TXNDC17: variants seen among roughly 807,000 people sequenced by gnomAD.
The protein encoded by TXNDC17 is thioredoxin domain-containing protein 17.
Under a neutral mutation model 16.3 loss-of-function variants are expected in TXNDC17, and 12 were observed. The observed-to-expected ratio is 0.74, with a 90% confidence interval of 0.47 to 1.19. The LOEUF (loss-of-function observed/expected upper bound fraction) is 1.19. TXNDC17 is among the 50% of genes most tolerant of loss of function. TXNDC17 has a pLI of 0.00. For missense variants in TXNDC17, 158 were observed against 149.7 expected, an observed-to-expected ratio of 1.06 and a Z score of -0.29; for synonymous variants, 62 against 55.0, an observed-to-expected ratio of 1.13 and a Z score of -0.56.
At chr17:6,642,717 T>TA in intron 3 of TXNDC17, 1 of 537,334 alleles carries the variant, frequency 1.9e-6, no homozygotes, top group Non-Finnish European at 3.3e-6. Context: ...TCTCCTGTTT[T>TA]AGTCTGTGGA....
chr17:6,641,896 G>A (rs1972682243), intron 2 of TXNDC17, 62 bp downstream of exon 2: 2 of 1,458,774 alleles, frequency 1.4e-6, no homozygotes, highest in Non-Finnish European at 9.6e-7. Flanking sequence ...AGGCGGGAAG[G>A]GCCTCAGGGA....
At chr17:6,641,274 G>A (rs766297724) in intron 1 of TXNDC17, 47 bp downstream of exon 1, 2 of 1,607,624 alleles carry the variant, frequency 1.2e-6, no homozygotes, top group African/African-American at 1.3e-5. Flanking sequence ...ATGGCAGGAA[G>A]GTCGAGCCTA....
intron 1 of TXNDC17, 83 bp from the exon 2 acceptor site, chr17:6,641,669 TG>T: frequency 7.4e-7 from 1 of 1,342,886 alleles, no homozygotes; most frequent in Non-Finnish European, 1.1e-6. Flanking sequence ...TTACCAAGAC[TG>T]GGGGAAGGGG....
rs574494868 is a variant in TXNDC17, at chr17:6,644,366, T to C, written c.*1347T>C. 12 of 1,381,904 alleles carry C rather than the reference T, an allele frequency of 8.7e-6. No homozygotes were observed. The African/African-American group carries it at 1.8e-4, about 20-fold the overall frequency. 85.6% of individuals were successfully genotyped at this position (1,381,904 alleles called of 1,614,324 possible). ...ACACTAAAGGTTCTAGGGGCTACCA[T>C]AATAAAGGTAGATAGGAAGAGTTTT... On this transcript the variant is annotated 3_prime_UTR_variant, in exon 4 of 4. Transcript: ENST00000250101.
At position 6,643,530 on chromosome 17, in the gene TXNDC17, C is replaced by T. The variant is rs1972723124; in HGVS notation, c.*511C>T. Reference sequence around the variant, plus strand: ...GCACTAGAAGCAGTTTGTTTTGCAGCTGTCTCAATGTGCTTTACTTGGGAT... The same window carrying T: ...GCACTAGAAGCAGTTTGTTTTGCAGTTGTCTCAATGTGCTTTACTTGGGAT... On this transcript the variant is annotated 3_prime_UTR_variant, in exon 4 of 4. Coordinates refer to ENST00000250101, the MANE Select transcript of TXNDC17 (RefSeq NM_032731.4). 1 of 153,008 alleles carries T rather than the reference C, an allele frequency of 6.5e-6. No homozygotes were observed. The highest frequency in any genetic ancestry group is 6.5e-5 in the Admixed American group (1 of 15,340). The allele number at this position is 153,008 out of a possible 1,614,324, so 9.5% of individuals were successfully genotyped here. A position where few individuals can be genotyped will look rare whatever the true frequency, so the allele number is the denominator to read the frequency against.
At position 6,641,808 on chromosome 17, in the gene TXNDC17, C is replaced by G. The variant is rs1363050563; in HGVS notation, c.201C>G (p.Ile67Met). The G allele has an allele frequency of 6.2e-7, 1 of 1,614,008 alleles. No individual in the cohort carries two copies. Among genetic ancestry groups the G allele is most frequent in the African/African-American group, 1.3e-5 (1 of 74,930 alleles). Residue 67 changes from isoleucine to methionine, a missense_variant, in exon 2 of 4, where the codon ATC becomes ATG. Ile to Met is a conservative substitution (Grantham distance 10). Transcript: ENST00000250101. ...ACATTAGTGAAGGATGTGTGTTCAT[C>G]TACTGCCAAGTAGGAGAAAAGCCTT... ...LKHISEGCVFIYCQVGEKPYW... is the reference protein window; with the variant it reads ...LKHISEGCVFMYCQVGEKPYW...
In TXNDC17 at chr17:6,641,115, C is replaced by T. The variant is rs933191989; in HGVS notation, c.33C>T (p.Gly11=). 5 of 1,613,520 alleles carry T rather than the reference C, an allele frequency of 3.1e-6. No homozygotes were observed. The highest frequency in any genetic ancestry group is 1.1e-5 in the South Asian group (1 of 91,078). ...GCTATGAGGAGGTGAGCGTGTCCGGCTTCGAGGAGTTCCACCGGGCCGTGG... is the reference window on the plus strand; with the variant it reads ...GCTATGAGGAGGTGAGCGTGTCCGGTTTCGAGGAGTTCCACCGGGCCGTGG... The part of the protein sequence containing the change: MARYEEVSVS[G]FEEFHRAVEQ... Residue 11 remains glycine, a synonymous_variant, in exon 1 of 4, where the codon GGC becomes GGT. Transcript: ENST00000250101.
In TXNDC17 at chr17:6,643,960, T is replaced by C. The variant is rs1166934919; in HGVS notation, c.*941T>C. 5.0e-6 allele frequency: 2 copies of C among 396,988 alleles called. No individual in the cohort carries two copies. The highest frequency in any genetic ancestry group is 4.1e-5 in the African/African-American group (2 of 48,604). 24.6% of individuals were successfully genotyped at this position (396,988 alleles called of 1,614,324 possible). A position where few individuals can be genotyped will look rare whatever the true frequency, so the allele number is the denominator to read the frequency against. ...TTGCAAAGCAGGTAATACAGTTATTTCCTGTCCTGCAGAATTCAAGAACCT... is the reference window on the plus strand; with the variant it reads ...TTGCAAAGCAGGTAATACAGTTATTCCCTGTCCTGCAGAATTCAAGAACCT... On this transcript the variant is annotated 3_prime_UTR_variant, in exon 4 of 4. Transcript: ENST00000250101.
At position 6,641,376 on chromosome 17, in the gene TXNDC17, C is replaced by T. The variant is rs941701206; in HGVS notation, c.145+149C>T. Reference sequence around the variant, plus strand: ...GTCCCCAAGTCTCCTTCTATTAAATCCTACCCCGCCCTGCCAAGAGCGCTC... The same window carrying T: ...GTCCCCAAGTCTCCTTCTATTAAATTCTACCCCGCCCTGCCAAGAGCGCTC... On this transcript the variant is annotated intron_variant, in intron 1 of 3. Coordinates refer to ENST00000250101, the MANE Select transcript of TXNDC17 (RefSeq NM_032731.4). The T allele has an allele frequency of 1.5e-5, 17 of 1,144,686 alleles. No homozygotes were observed. The South Asian group carries it at 2.5e-4, about 17-fold the overall frequency. 70.9% of individuals were successfully genotyped at this position (1,144,686 alleles called of 1,614,324 possible). A position where few individuals can be genotyped will look rare whatever the true frequency, so the allele number is the denominator to read the frequency against.
At chr17:6,641,663 C>A in intron 1 of TXNDC17, 90 bp from the exon 2 acceptor site, 2 of 1,289,952 alleles carry the variant, frequency 1.6e-6, no homozygotes, top group Non-Finnish European at 2.2e-6. Flanking sequence ...GAGTGCTTAC[C>A]AAGACTGGGG....
rs1972736835 is a variant in TXNDC17, at chr17:6,644,329, G to A, written c.*1310G>A. ...AATAGTCTATTAACAATAAAAAGTT[G>A]GATGAAAAAGCACACTAAAGGTTCT... is the stretch of plus-strand genomic sequence containing the variant. On this transcript the variant is annotated 3_prime_UTR_variant, in exon 4 of 4. Coordinates refer to ENST00000250101, the MANE Select transcript of TXNDC17 (RefSeq NM_032731.4). 1.1e-6 allele frequency: 1 copy of A among 914,666 alleles called. No homozygotes were observed. Among genetic ancestry groups the A allele is most frequent in the South Asian group, 2.9e-5 (1 of 34,368 alleles). The allele number at this position is 914,666 out of a possible 1,614,324, so 56.7% of individuals were successfully genotyped here.
In TXNDC17 at chr17:6,641,191, G is replaced by C. The variant is rs775745043; in HGVS notation, c.109G>C (p.Ala37Pro). The C allele has an allele frequency of 9.3e-6, 15 of 1,613,512 alleles. No homozygotes were observed. The African/African-American group carries it at 1.7e-4, about 19-fold the overall frequency. Reference protein sequence around the residue: ...IFAYFTGSKDAGGKSWCPDCV... With the variant: ...IFAYFTGSKDPGGKSWCPDCV... ...CGCCTACTTTACGGGTTCTAAGGAC[G>C]CCGGGGGGAAAAGCTGGTGCCCCGA... is the stretch of plus-strand genomic sequence containing the variant. The change falls in exon 1 of 4, where the codon GCC becomes CCC. Residue 37 changes from alanine (A) to proline (P), a missense_variant. Coordinates refer to ENST00000250101, the MANE Select transcript of TXNDC17 (RefSeq NM_032731.4).
intron 1 of TXNDC17, chr17:6,641,529 C>G (rs1312415282): frequency 4.7e-6 from 3 of 635,040 alleles, no homozygotes; most frequent in Non-Finnish European, 8.1e-6. Context: ...TCCATTGTTA[C>G]GGGCGCGGTG....
Position 6,643,015 on chromosome 17 carries a change from A to G in TXNDC17, c.368A>G (p.Asp123Gly). ...CTGGTGGAAATGTTGTTCTCTGAAG[A>G]TTAAGATTTTAGGATGGCAATCATG... ...ANLVEMLFSED is the reference protein window; with the variant it reads ...ANLVEMLFSEG Residue 123 changes from aspartate to glycine, a missense_variant, in exon 4 of 4, where the codon GAT (aspartate) becomes GGT (glycine). Coordinates refer to ENST00000250101, the MANE Select transcript of TXNDC17 (RefSeq NM_032731.4). 1 of 1,613,722 alleles carries G rather than the reference A, an allele frequency of 6.2e-7. No homozygotes were observed. Among genetic ancestry groups the G allele is most frequent in the Non-Finnish European group, 8.5e-7 (1 of 1,179,742 alleles).
chr17:6,644,116 G>A lies in TXNDC17; in HGVS notation c.*1097G>A, dbSNP rs1024162553. 3.6e-5 allele frequency: 15 copies of A among 419,164 alleles called. No homozygotes were observed. Among genetic ancestry groups the A allele is most frequent in the Admixed American group, 8.0e-5 (2 of 25,070 alleles). 26.0% of individuals were successfully genotyped at this position (419,164 alleles called of 1,614,324 possible). ...AGGAGATGGTCTTGCCCTACTATAT[G>A]TCAGGAACAGCTAGCCTTAGAATTC... On this transcript the variant is annotated 3_prime_UTR_variant, in exon 4 of 4. Coordinates refer to ENST00000250101, the MANE Select transcript of TXNDC17 (RefSeq NM_032731.4).
chr17:6,641,592 A>C, intron 1 of TXNDC17, 161 bp from the exon 2 acceptor site: 1 of 741,250 alleles, frequency 1.3e-6, no homozygotes, highest in East Asian at 2.7e-5. Context: ...ACGTGGCTCT[A>C]AGACCAGAAG....
Position 6,641,094 on chromosome 17 carries a change from T to G in TXNDC17, c.12T>G (p.Tyr4Ter). The G allele has an allele frequency of 6.2e-7, 1 of 1,613,150 alleles. No homozygotes were observed. The highest frequency in any genetic ancestry group is 8.5e-7 in the Non-Finnish European group (1 of 1,179,908). The stretch of plus-strand genomic sequence containing the variant: ...TGCACGTCGTGCCAATGGCCCGCTA[T>G]GAGGAGGTGAGCGTGTCCGGCTTCG... The part of the protein sequence containing the change: MAR[Y>*]EEVSVSGFEE... The change falls in exon 1 of 4, where the codon TAT (tyrosine) becomes TAG (stop). Residue 4 changes from tyrosine to a stop codon, truncating the protein, a stop_gained. Transcript: ENST00000250101. LOFTEE classifies it high-confidence loss of function.
Position 6,643,574 on chromosome 17 carries a change from C to G in TXNDC17, c.*555C>G, listed in dbSNP as rs999215095. 1.3e-5 allele frequency: 2 copies of G among 152,868 alleles called. No individual in the cohort carries two copies. The highest frequency in any genetic ancestry group is 3.8e-4 in the East Asian group (2 of 5,216). 9.5% of individuals were successfully genotyped at this position (152,868 alleles called of 1,614,324 possible). A position where few individuals can be genotyped will look rare whatever the true frequency, so the allele number is the denominator to read the frequency against. On this transcript the variant is annotated 3_prime_UTR_variant, in exon 4 of 4. Coordinates refer to ENST00000250101, the MANE Select transcript of TXNDC17 (RefSeq NM_032731.4). ...TTGGGATGAGGCAGGTGGCGGAGAGCGGCCGGAAAGACTCTATAACCCAGT... is the reference window on the plus strand; with the variant it reads ...TTGGGATGAGGCAGGTGGCGGAGAGGGGCCGGAAAGACTCTATAACCCAGT...
Position 6,643,933 on chromosome 17 carries a change from C to A in TXNDC17, c.*914C>A. On this transcript the variant is annotated 3_prime_UTR_variant, in exon 4 of 4. Transcript: ENST00000250101. ...AGTGATTCAGTGATTCTTAAAGCCA[C>A]CTTGCAAAGCAGGTAATACAGTTAT... is the stretch of plus-strand genomic sequence containing the variant. 1 of 394,504 alleles carries A rather than the reference C, an allele frequency of 2.5e-6. No individual in the cohort carries two copies. The highest frequency in any genetic ancestry group is 4.4e-5 in the Admixed American group (1 of 22,644). The allele number at this position is 394,504 out of a possible 1,614,324, so 24.4% of individuals were successfully genotyped here. A position where few individuals can be genotyped will look rare whatever the true frequency, so the allele number is the denominator to read the frequency against.
Sources: allele counts gnomAD v4.1 joint callset, GRCh38; gene constraint gnomAD v4.1.1; transcripts MANE v1.5; gene names NCBI Gene and HGNC (gene_info 2026-07-23, HGNC 2026-07-21).